Variants in NTM observed in about 807,000 individuals in gnomAD.
The protein encoded by NTM is neurotrimin.
Under a neutral mutation model 42.1 loss-of-function variants are expected in NTM, and 13 were observed. The ratio of observed to expected loss-of-function variants is 0.31; its 90% CI spans 0.20 to 0.49. The LOEUF (loss-of-function observed/expected upper bound fraction) is 0.49. Among genes scored for constraint, NTM ranks in the 20% least tolerant of loss-of-function variants. The pLI, the probability that NTM is intolerant of heterozygous loss-of-function variation, is 0.99. For synonymous variants in NTM, 187 were observed against 179.2 expected (o/e 1.04, Z -0.35); for missense variants, 373 against 452.8 (o/e 0.82, Z 1.60).
At chr11:131,878,663 CT>C (rs2048980605) in intron 1 of NTM, among the ~76,000 whole-genome samples, 1 of 131,452 alleles carries the variant, frequency 7.6e-6, no homozygotes, top group African/African-American at 2.9e-5. Context: ...TCATACAGCA[CT>C]TTACAGCCTA....
At chr11:132,278,727 T>C (rs1433944104) in intron 4 of NTM, among the ~76,000 whole-genome samples, 2 of 149,760 alleles carry the variant, frequency 1.3e-5, no homozygotes, top group Non-Finnish European at 3.0e-5. Context: ...ATGTCTTTCT[T>C]AACCTTCATT....
chr11:132,244,317 A>G (rs893077284), intron 4 of NTM, among the ~76,000 whole-genome samples: 11 of 152,184 alleles, frequency 7.2e-5, no homozygotes, highest in African/African-American at 2.2e-4. Context: ...GTCTCTGCCT[A>G]TGGGTTTTTA....
At chr11:131,485,432 C>T (rs544798777) in intron 1 of NTM, among the ~76,000 whole-genome samples, 1 of 152,240 alleles carries the variant, frequency 6.6e-6, no homozygotes, top group African/African-American at 2.4e-5. Flanking sequence ...AGGGGTGGGA[C>T]TCCCCATCCA....
chr11:131,424,624 A>T (rs1947910185), intron 1 of NTM, among the ~76,000 whole-genome samples: 1 of 25,560 alleles, frequency 3.9e-5, no homozygotes, highest in African/African-American at 1.9e-4. Flanking sequence ...TTTTTGGCGC[A>T]ATCTTGGCTC....
At chr11:131,969,859 G>A (rs552793967) in intron 2 of NTM, among the ~76,000 whole-genome samples, 1 of 152,112 alleles carries the variant, frequency 6.6e-6, no homozygotes, top group East Asian at 1.9e-4. Context: ...CTCTGTCACC[G>A]AGGCTGGAGT....
chr11:131,567,891 G>T (rs549388146), intron 1 of NTM, among the ~76,000 whole-genome samples: 1 of 152,312 alleles, frequency 6.6e-6, no homozygotes, highest in East Asian at 1.9e-4. Context: ...ACAGACATTT[G>T]TAGTGACAGA....
At position 132,321,831 on chromosome 11, in the gene NTM, C is replaced by T. The variant is rs573402166; in HGVS notation, c.934+7128C>T. ...CCCATCAGACTAACAGCGGATCTCT[C>T]GGCAGAAACCCTACAAGCCAGAAGA... is the stretch of plus-strand genomic sequence containing the variant. On this transcript the variant is annotated intron_variant, in intron 7 of 8. Transcript: ENST00000683400. Among the ~76,000 whole-genome samples the T allele has an allele frequency of 1.5e-4, 22 of 149,646 alleles. No homozygotes were observed. The South Asian group carries it at 4.0e-3, about 27-fold the overall frequency.
At position 132,335,809 on chromosome 11, in the gene NTM, A is replaced by G. The variant is rs1380809967; in HGVS notation, c.*663A>G. The G allele has an allele frequency of 6.6e-6, 1 of 152,404 alleles. No homozygotes were observed. Among genetic ancestry groups the G allele is most frequent in the Admixed American group, 6.6e-5 (1 of 15,250 alleles). The allele number at this position is 152,404 out of a possible 1,614,324, so 9.4% of individuals were successfully genotyped here. A position where few individuals can be genotyped will look rare whatever the true frequency, so the allele number is the denominator to read the frequency against. On this transcript the variant is annotated 3_prime_UTR_variant, in exon 9 of 9. Coordinates refer to ENST00000683400, the MANE Select transcript of NTM (RefSeq NM_001352005.2). ...TGATTCATTATTAATTTCATTAATT[A>G]TATTTTCTGATATGAGTCTAGAACT...
At chr11:131,529,601 A>G (rs1326408701) in intron 1 of NTM, among the ~76,000 whole-genome samples, 2 of 152,118 alleles carry the variant, frequency 1.3e-5, no homozygotes, top group African/African-American at 2.4e-5. Context: ...AGAGACTTTA[A>G]CACGCACCAA....
At chr11:131,642,061 A>G (rs2065208664) in intron 1 of NTM, among the ~76,000 whole-genome samples, 1 of 152,196 alleles carries the variant, frequency 6.6e-6, no homozygotes, top group Non-Finnish European at 1.5e-5. Context: ...AATCTTTAAA[A>G]TGACTCTTTA....
intron 1 of NTM, among the ~76,000 whole-genome samples, chr11:131,637,604 A>G (rs956699803): frequency 1.3e-5 from 2 of 151,566 alleles, no homozygotes; most frequent in Non-Finnish European, 2.9e-5. Flanking sequence ...AGTGGCAACT[A>G]TATATCTGAC....
intron 4 of NTM, among the ~76,000 whole-genome samples, chr11:132,268,670 C>CTCTGTG (rs2093337424): frequency 1.4e-5 from 2 of 146,320 alleles, no homozygotes; most frequent in African/African-American, 5.1e-5. Flanking sequence ...CTCTCTCTCT[C>CTCTGTG]TGTGTGTGTG....
intron 8 of NTM, 123 bp from the exon 9 acceptor site, chr11:132,334,923 A>G (rs963077386): frequency 2.1e-6 from 3 of 1,459,098 alleles, no homozygotes; most frequent in African/African-American, 2.8e-5. Context: ...CTGGAACACC[A>G]TGTGTTTCAC....
intron 1 of NTM, among the ~76,000 whole-genome samples, chr11:131,377,228 C>A (rs1306867337): frequency 6.6e-6 from 1 of 152,140 alleles, no homozygotes; most frequent in Non-Finnish European, 1.5e-5. Context: ...CACACAACCT[C>A]TTGTAGAAAA....
chr11:131,440,992 A>AT (rs966892285), intron 1 of NTM, among the ~76,000 whole-genome samples: 1 of 151,720 alleles, frequency 6.6e-6, no homozygotes, highest in Non-Finnish European at 1.5e-5. Context: ...ATCCTATACA[A>AT]TTTTGCCAAC....
intron 1 of NTM, among the ~76,000 whole-genome samples, chr11:131,456,091 T>C (rs1045245721): frequency 1.3e-5 from 2 of 152,184 alleles, no homozygotes; most frequent in African/African-American, 2.4e-5. Flanking sequence ...CCTTGAGCAG[T>C]AGGATATAAA....
intron 1 of NTM, among the ~76,000 whole-genome samples, chr11:131,836,015 G>C (rs2043443083): frequency 6.6e-6 from 1 of 152,248 alleles, no homozygotes; most frequent in African/African-American, 2.4e-5. Context: ...AACTGATATA[G>C]TCATGAAAGT....
At chr11:132,142,646 G>A (rs1196700805) in intron 2 of NTM, among the ~76,000 whole-genome samples, 1 of 152,144 alleles carries the variant, frequency 6.6e-6, no homozygotes, top group South Asian at 2.1e-4. Context: ...CATTCATTCC[G>A]TGGGGATTCA....
At chr11:132,048,866 C>T (rs1221362766) in intron 2 of NTM, among the ~76,000 whole-genome samples, 1 of 142,254 alleles carries the variant, frequency 7.0e-6, no homozygotes, top group African/African-American at 2.6e-5. Flanking sequence ...AAACCGTGTA[C>T]TCTTTCCTTC....
Sources: allele counts gnomAD v4.1 joint callset (sites outside exome capture counted in the v4.1 genomes callset), GRCh38; gene constraint gnomAD v4.1.1; transcripts MANE v1.5; gene names NCBI Gene and HGNC (gene_info 2026-07-23, HGNC 2026-07-21).